The following MAPKAPK2 variants were observed in gnomAD, a reference collection of about 807,000 sequenced individuals.
MAPKAPK2 encodes the protein MAP kinase-activated protein kinase 2.
A neutral mutation model predicts 48.8 loss-of-function variants in MAPKAPK2; 9 were observed. That is an observed-to-expected ratio of 0.18 (90% confidence interval 0.11 to 0.32). The LOEUF (loss-of-function observed/expected upper bound fraction) is 0.32. MAPKAPK2 is among the 10% of genes least tolerant of loss of function. The pLI, the probability that MAPKAPK2 is intolerant of heterozygous loss-of-function variation, is 1.00. For missense variants in MAPKAPK2, 331 were observed against 498.3 expected (o/e 0.66, Z 3.20); for synonymous variants, 202 against 190.6 (o/e 1.06, Z -0.49).
chr1:206,719,295 C>T (rs1258139279), intron 1 of MAPKAPK2, among the ~76,000 whole-genome samples: 2 of 152,162 alleles, frequency 1.3e-5, no homozygotes. Context: ...GAGAGGGGGC[C>T]GACAGGCACA....
At chr1:206,729,862 C>A in intron 4 of MAPKAPK2, 110 bp from the exon 5 acceptor site, 1 of 1,400,158 alleles carries the variant, frequency 7.1e-7, no homozygotes, top group Non-Finnish European at 9.9e-7. Context: ...CCAGGATAGG[C>A]AAATGGTTGC....
Position 206,732,577 on chromosome 1 carries a change from G to A in MAPKAPK2, c.1062G>A (p.Glu354=). ...TCCTGGTGCTGCCGTGCCCCCAGGA[G>A]GAGATGACCAGTGCCTTGGCCACAA... ...EDKERWEDVK[E]EMTSALATMR... The change falls in exon 10 of 10, where the codon GAG becomes GAA. Residue 354 remains glutamate (E), a splice_region_variant and synonymous_variant. Coordinates refer to ENST00000367103, the MANE Select transcript of MAPKAPK2 (RefSeq NM_032960.4). The surrounding 1 kb of genome is among the most constrained non-coding windows in gnomAD (Gnocchi z 4.4). 1 of 1,613,874 alleles carries A rather than the reference G, an allele frequency of 6.2e-7. No individual in the cohort carries two copies. The highest frequency in any genetic ancestry group is 8.5e-7 in the Non-Finnish European group (1 of 1,179,994).
intron 1 of MAPKAPK2, 56 bp from the exon 2 acceptor site, chr1:206,728,654 G>T (rs542688801): frequency 6.3e-7 from 1 of 1,581,344 alleles, no homozygotes; most frequent in Non-Finnish European, 8.6e-7. Context: ...TGGGCCAGGG[G>T]CTTAGAGCAG....
At chr1:206,706,077 C>T (rs1672945493) in intron 1 of MAPKAPK2, among the ~76,000 whole-genome samples, 1 of 152,030 alleles carries the variant, frequency 6.6e-6, no homozygotes, top group Non-Finnish European at 1.5e-5. Flanking sequence ...TTATACACTT[C>T]CAGTGTAATT....
chr1:206,730,408 A>T (rs1490252044), intron 5 of MAPKAPK2, among the ~76,000 whole-genome samples: 1 of 152,254 alleles, frequency 6.6e-6, no homozygotes, highest in African/African-American at 2.4e-5. Context: ...CTTTCAAAGC[A>T]TGTTCAGAGC....
intron 1 of MAPKAPK2, among the ~76,000 whole-genome samples, chr1:206,706,112 TCTTATTTATTTA>T: frequency 7.5e-6 from 1 of 133,032 alleles, no homozygotes; most frequent in East Asian, 2.1e-4. Context: ...ATTTCCTATC[TCTTATTTATTTA>T]TTTATTTATT....
chr1:206,729,604 C>A, intron 4 of MAPKAPK2, 129 bp downstream of exon 4: 2 of 793,776 alleles, frequency 2.5e-6, no homozygotes, highest in Non-Finnish European at 4.3e-6. Flanking sequence ...CCATTCTCTG[C>A]CTTGTAGGGC....
intron 1 of MAPKAPK2, among the ~76,000 whole-genome samples, chr1:206,694,447 C>T (rs1031877791): frequency 6.6e-6 from 1 of 152,194 alleles, no homozygotes; most frequent in Non-Finnish European, 1.5e-5. Context: ...GGCATAGTTG[C>T]TAAGTGTTTA....
intron 2 of MAPKAPK2, 31 bp downstream of exon 2, chr1:206,728,880 G>T: frequency 6.2e-7 from 1 of 1,612,738 alleles, no homozygotes; most frequent in Non-Finnish European, 8.5e-7. Context: ...TCCCGGCCCA[G>T]CCTGTTCCCA....
At chr1:206,730,193 G>A in intron 5 of MAPKAPK2, 95 bp downstream of exon 5, 7 of 1,489,884 alleles carry the variant, frequency 4.7e-6, no homozygotes, top group African/African-American at 1.4e-5. Context: ...TCCTAGGAGA[G>A]TTGTGTCTGT....
At position 206,732,435 on chromosome 1, in the gene MAPKAPK2, C is replaced by T; in HGVS notation, c.1060-140C>T. 2 of 1,478,840 alleles carry T rather than the reference C, an allele frequency of 1.4e-6. No individual in the cohort carries two copies. Among genetic ancestry groups the T allele is most frequent in the East Asian group, 4.9e-5 (2 of 41,010 alleles). 91.6% of individuals were successfully genotyped at this position (1,478,840 alleles called of 1,614,324 possible). The stretch of plus-strand genomic sequence containing the variant: ...GTTGTCAGCGTGGACCACTAACCAG[C>T]CCGTCTTCTCTCTCTGCTCCCACCC... On this transcript the variant is annotated intron_variant, in intron 9 of 9. Coordinates refer to ENST00000367103, the MANE Select transcript of MAPKAPK2 (RefSeq NM_032960.4). The surrounding 1 kb of genome is among the most constrained non-coding windows in gnomAD (Gnocchi z 4.4).
In MAPKAPK2 at chr1:206,685,349, G is replaced by T; in HGVS notation, c.120G>T (p.Pro40=). The change falls in exon 1 of 10, where the codon CCG becomes CCT. Residue 40 remains proline, a synonymous_variant. Coordinates refer to ENST00000367103, the MANE Select transcript of MAPKAPK2 (RefSeq NM_032960.4). ...CGGCGCAGCCGCCGCCGCCGCCCCC[G>T]CAGCAGTTCCCGCAGTTCCACGTCA... ...HPPAQPPPPP[P]QQFPQFHVKS... 2.4e-6 allele frequency: 3 copies of T among 1,269,362 alleles called. No homozygotes were observed. Among genetic ancestry groups the T allele is most frequent in the Non-Finnish European group, 2.1e-6 (2 of 968,804 alleles). 78.6% of individuals were successfully genotyped at this position (1,269,362 alleles called of 1,614,324 possible).
intron 1 of MAPKAPK2, among the ~76,000 whole-genome samples, chr1:206,707,067 T>C (rs1485541357): frequency 6.6e-6 from 1 of 152,152 alleles, no homozygotes; most frequent in Non-Finnish European, 1.5e-5. Context: ...CTCTTCTCTC[T>C]CCCACAGGTC....
chr1:206,699,600 C>A (rs1558575948), intron 1 of MAPKAPK2, among the ~76,000 whole-genome samples: 1 of 152,142 alleles, frequency 6.6e-6, no homozygotes, highest in African/African-American at 2.4e-5. Flanking sequence ...ACGAAGGAGG[C>A]AAGAAAAAGA....
intron 1 of MAPKAPK2, among the ~76,000 whole-genome samples, chr1:206,715,351 G>T (rs1038606829): frequency 6.6e-6 from 1 of 152,142 alleles, no homozygotes; most frequent in Non-Finnish European, 1.5e-5. Context: ...TTTAGTGAGC[G>T]CAGACTACTC....
intron 1 of MAPKAPK2, among the ~76,000 whole-genome samples, chr1:206,714,376 A>G (rs1572500827): frequency 6.6e-6 from 1 of 152,258 alleles, no homozygotes; most frequent in East Asian, 1.9e-4. Flanking sequence ...GACCCAGGGT[A>G]GCTTGTGATG....
chr1:206,701,112 G>T (rs890647544), intron 1 of MAPKAPK2, among the ~76,000 whole-genome samples: 2 of 152,194 alleles, frequency 1.3e-5, no homozygotes, highest in Non-Finnish European at 2.9e-5. Context: ...CAGACTGGAG[G>T]TGAGCCCAGA....
chr1:206,725,438 C>T (rs1553431754), intron 1 of MAPKAPK2, among the ~76,000 whole-genome samples: 1 of 152,050 alleles, frequency 6.6e-6, no homozygotes. Flanking sequence ...CGGAGGAACC[C>T]CCCTGTACTG....
chr1:206,718,794 G>A (rs1450159820), intron 1 of MAPKAPK2, among the ~76,000 whole-genome samples: 1 of 152,100 alleles, frequency 6.6e-6, no homozygotes, highest in Admixed American at 6.6e-5. Flanking sequence ...TGAATATAAT[G>A]TGTAGGATGG....
Sources: gnomAD v4.1 joint callset for allele counts (sites outside exome capture counted in the v4.1 genomes callset) on GRCh38, gnomAD v4.1.1 for gene constraint, Gnocchi (gnomAD v3.1) non-coding constraint, MANE v1.5 for transcripts, NCBI Gene and HGNC (gene_info 2026-07-23, HGNC 2026-07-21) for gene names.